CSMD3: variants seen among roughly 807,000 people sequenced by gnomAD.
CSMD3 encodes CUB and Sushi multiple domains 3, also known as CUB and sushi domain-containing protein 3.
In CSMD3, 177 loss-of-function variants were observed where a neutral mutation model predicts 435.2. That is an observed-to-expected ratio of 0.41 (90% confidence interval 0.36 to 0.46). The LOEUF (loss-of-function observed/expected upper bound fraction) is 0.46. CSMD3 is among the 20% of genes least tolerant of loss of function. The pLI, the probability that CSMD3 is intolerant of heterozygous loss-of-function variation, is 0.34. For synonymous variants in CSMD3, 1,656 were observed against 1,520.5 expected (o/e 1.09, Z -2.07); for missense variants, 4,265 against 4,504.6 (o/e 0.95, Z 1.52).
intron 1 of CSMD3, among the ~76,000 whole-genome samples, chr8:113,328,088 G>GAC (rs1205228211): frequency 2.7e-5 from 4 of 150,836 alleles, no homozygotes; most frequent in East Asian, 1.9e-4. Context: ...GACACACACA[G>GAC]ACACACACAG....
chr8:113,274,374 C>A lies in CSMD3; in HGVS notation c.514+4218G>T, dbSNP rs1436721787. ...TAACTCATTCTGGATAATTTAGCAA[C>A]ACTAAAGGAAAAGGTGAGAACTGGT... On this transcript the variant is annotated intron_variant, in intron 3 of 70. Coordinates refer to ENST00000297405, the MANE Select transcript of CSMD3 (RefSeq NM_198123.2). Among the ~76,000 whole-genome samples, 7 of 151,998 alleles carry A rather than the reference C, an allele frequency of 4.6e-5. No individual in the cohort carries two copies. In the East Asian group the frequency reaches 1.3e-3, roughly 29 times the overall value.
chr8:112,294,778 G>A (rs945358917), intron 54 of CSMD3, among the ~76,000 whole-genome samples: 2 of 151,958 alleles, frequency 1.3e-5, no homozygotes, highest in African/African-American at 2.4e-5. Flanking sequence ...GATATATGTC[G>A]AACTGGTGAG....
rs186882317 is a variant in CSMD3, at chr8:112,741,423, A to G, written c.1973-51373T>C. On this transcript the variant is annotated intron_variant, in intron 13 of 70. Coordinates refer to ENST00000297405, the MANE Select transcript of CSMD3 (RefSeq NM_198123.2). ...GTGAGGTAATCTGACAATTATAGTA[A>G]TTATAAAAACAAAAGAAAACAAACA... 1.1e-3 allele frequency among the ~76,000 whole-genome samples: 167 copies of G among 152,034 alleles called. 2 individuals are homozygous for G. Among genetic ancestry groups the G allele is most frequent in the Non-Finnish European group, 1.9e-3 (128 of 67,872 alleles).
intron 22 of CSMD3, among the ~76,000 whole-genome samples, chr8:112,625,617 A>G (rs531552151): frequency 6.6e-6 from 1 of 152,258 alleles, no homozygotes; most frequent in South Asian, 2.1e-4. Context: ...ACTGATTAAA[A>G]CACATGAAGA....
chr8:113,074,190 C>CAT (rs1491504839), intron 5 of CSMD3, among the ~76,000 whole-genome samples: 28 of 150,934 alleles, frequency 1.9e-4, no homozygotes, highest in African/African-American at 6.8e-4. Context: ...CACACACACA[C>CAT]GCCACCTTGC....
chr8:113,144,984 G>T (rs1228502156), intron 4 of CSMD3, among the ~76,000 whole-genome samples: 1 of 151,688 alleles, frequency 6.6e-6, no homozygotes, highest in Admixed American at 6.6e-5. Context: ...TCTATCAAAT[G>T]CTGTAATATT....
intron 10 of CSMD3, among the ~76,000 whole-genome samples, chr8:112,870,411 G>C (rs1192056329): frequency 6.6e-6 from 1 of 151,494 alleles, no homozygotes; most frequent in East Asian, 1.9e-4. Flanking sequence ...TGGGACTACA[G>C]GTGCCTGCCA....
chr8:113,288,450 G>A (rs1588447114), intron 2 of CSMD3, among the ~76,000 whole-genome samples: 1 of 151,880 alleles, frequency 6.6e-6, no homozygotes, highest in Admixed American at 6.6e-5. Flanking sequence ...TTCTTCAAAA[G>A]TCAACCTTTC....
At chr8:112,631,583 T>C (rs2131558342) in intron 22 of CSMD3, among the ~76,000 whole-genome samples, 1 of 152,164 alleles carries the variant, frequency 6.6e-6, no homozygotes, top group East Asian at 1.9e-4. Context: ...TTTTCTAAAC[T>C]GCTAAAAAGG....
At chr8:113,247,594 T>C (rs1443399477) in intron 3 of CSMD3, among the ~76,000 whole-genome samples, 3 of 152,124 alleles carry the variant, frequency 2.0e-5, no homozygotes, top group Non-Finnish European at 4.4e-5. Context: ...ATTTTGACAA[T>C]TTTTGCCAGT....
rs550645835 is a variant in CSMD3, at chr8:113,259,460, A to G, written c.514+19132T>C. 1.2e-4 allele frequency among the ~76,000 whole-genome samples: 19 copies of G among 152,254 alleles called. No homozygotes were observed. The South Asian group carries it at 3.9e-3, about 32-fold the overall frequency. On this transcript the variant is annotated intron_variant, in intron 3 of 70. Coordinates refer to ENST00000297405, the MANE Select transcript of CSMD3 (RefSeq NM_198123.2). ...CTTGAACAATAAGAATTTATTTTGA[A>G]TGACTCTGAGGTTTTCTATGTTCAT...
At chr8:112,842,170 A>C (rs1207785125) in intron 11 of CSMD3, among the ~76,000 whole-genome samples, 1 of 151,704 alleles carries the variant, frequency 6.6e-6, no homozygotes, top group Non-Finnish European at 1.5e-5. Context: ...AATGTTCCAG[A>C]AGGTTGAGCA....
intron 3 of CSMD3, among the ~76,000 whole-genome samples, chr8:113,217,764 G>T (rs969842823): frequency 4.6e-5 from 7 of 151,234 alleles, no homozygotes; most frequent in Non-Finnish European, 7.4e-5. Context: ...CTAAGAAGAA[G>T]AGAAGCAATA....
chr8:112,653,446 A>G (rs2075179698), intron 18 of CSMD3, among the ~76,000 whole-genome samples: 1 of 152,092 alleles, frequency 6.6e-6, no homozygotes, highest in Non-Finnish European at 1.5e-5. Context: ...ATATGTCTAT[A>G]CGTTTGTTCT....
In CSMD3 at chr8:112,406,702, T is replaced by C. The variant is rs751186222; in HGVS notation, c.5631A>G (p.Gln1877=). ...YQAVPRTSST[Q]CSSVPEPRFG... is the part of the protein sequence containing the mutation. ...ATCTTGGTTCAGGCACAGAACTGCA[T>C]TGTGTAGAACTTGTTCTAGGAACAG... Residue 1877 remains glutamine, a synonymous_variant, in exon 35 of 71, where the codon CAA becomes CAG. Coordinates refer to ENST00000297405, the MANE Select transcript of CSMD3 (RefSeq NM_198123.2). 3 of 1,609,330 alleles carry C rather than the reference T, an allele frequency of 1.9e-6. No homozygotes were observed. Among genetic ancestry groups the C allele is most frequent in the South Asian group, 1.1e-5 (1 of 90,684 alleles).
intron 27 of CSMD3, among the ~76,000 whole-genome samples, chr8:112,532,853 G>C (rs1211718786): frequency 6.6e-6 from 1 of 152,002 alleles, no homozygotes. Context: ...GTCTGAAGAA[G>C]AAAAGACACA....
chr8:112,451,202 G>A (rs1816226882), intron 32 of CSMD3, among the ~76,000 whole-genome samples: 1 of 152,030 alleles, frequency 6.6e-6, no homozygotes, highest in Non-Finnish European at 1.5e-5. Flanking sequence ...AAATACCAGA[G>A]AGAAAAAGCA....
At chr8:112,649,409 T>A (rs2075065093) in intron 19 of CSMD3, among the ~76,000 whole-genome samples, 1 of 152,188 alleles carries the variant, frequency 6.6e-6, no homozygotes, top group Admixed American at 6.5e-5. Flanking sequence ...AATTTAATCA[T>A]AAAATGACAA....
intron 4 of CSMD3, among the ~76,000 whole-genome samples, chr8:113,130,439 T>C (rs2091256337): frequency 6.6e-6 from 1 of 152,152 alleles, no homozygotes; most frequent in African/African-American, 2.4e-5. Context: ...TTACCTCCTC[T>C]GTCTCTTCCT....
Sources: gnomAD v4.1 joint callset for allele counts (sites outside exome capture counted in the v4.1 genomes callset) on GRCh38, gnomAD v4.1.1 for gene constraint, MANE v1.5 for transcripts, NCBI Gene and HGNC (gene_info 2026-07-23, HGNC 2026-07-21) for gene names.